Variants in PRELID2 observed in about 807,000 individuals in gnomAD.
PRELID2 encodes the protein PRELI domain containing 2.
A neutral mutation model predicts 28.4 loss-of-function variants in PRELID2; 25 were observed. The observed-to-expected ratio is 0.88, with a 90% confidence interval of 0.64 to 1.23. The LOEUF is 1.23. Ranked by LOEUF, PRELID2 falls within the 50% of genes most tolerant of loss-of-function variation. The pLI, the probability that PRELID2 is intolerant of heterozygous loss-of-function variation, is 0.00. For synonymous variants in PRELID2, 76 were observed against 71.6 expected (o/e 1.06, Z -0.31); for missense variants, 201 against 214.4 (o/e 0.94, Z 0.39).
the PRELID2 span, among the ~76,000 whole-genome samples, chr5:145,274,526 G>A: frequency 1.3e-5 from 2 of 152,166 alleles, no homozygotes; most frequent in Non-Finnish European, 2.9e-5. Context: ...AGATACTTGG[G>A]ATAGGCACAG....
chr5:145,390,718 C>T, the PRELID2 span, among the ~76,000 whole-genome samples: 2 of 152,168 alleles, frequency 1.3e-5, no homozygotes, highest in African/African-American at 2.4e-5. Context: ...AGTCTTAGTT[C>T]ATTCCAGCAT....
At chr5:145,439,897 CA>C in the PRELID2 span, among the ~76,000 whole-genome samples, 1 of 152,038 alleles carries the variant, frequency 6.6e-6, no homozygotes, top group Non-Finnish European at 1.5e-5. Flanking sequence ...AAAACAAACA[CA>C]ACAAAAAACT....
chr5:145,735,921 C>T (rs145615183), intron 1 of PRELID2, among the ~76,000 whole-genome samples: 157 of 152,310 alleles, frequency 1.0e-3, no homozygotes, highest in Admixed American at 2.2e-3. Context: ...TCTTACTCGG[C>T]GCTCTCTCTG....
At chr5:145,754,002 A>ACC (rs1226286265), downstream of PRELID2, among the ~76,000 whole-genome samples, 1 of 151,894 alleles carries the variant, frequency 6.6e-6, no homozygotes, top group Non-Finnish European at 1.5e-5. Context: ...TCAGCATGCT[A>ACC]CCCTCCTGCC....
At chr5:145,459,714 C>T in the PRELID2 span, among the ~76,000 whole-genome samples, 1 of 151,910 alleles carries the variant, frequency 6.6e-6, no homozygotes, top group South Asian at 2.1e-4. Flanking sequence ...ATAATCATGT[C>T]CCCCCAAAAA....
At chr5:145,736,277 T>C (rs1561564110) in intron 1 of PRELID2, among the ~76,000 whole-genome samples, 1 of 152,194 alleles carries the variant, frequency 6.6e-6, no homozygotes. Context: ...GTCTTTGTGC[T>C]CTTTAATGTT....
chr5:145,381,620 A>T, the PRELID2 span: 1 of 152,470 alleles, frequency 6.6e-6, no homozygotes, highest in Non-Finnish European at 1.5e-5. Context: ...CCAACAACGT[A>T]AAGAGCCTTG....
At chr5:145,302,044 T>C in the PRELID2 span, among the ~76,000 whole-genome samples, 1 of 152,028 alleles carries the variant, frequency 6.6e-6, no homozygotes, top group East Asian at 1.9e-4. Flanking sequence ...TCATTAGTAT[T>C]ACATTGATTC....
At chr5:145,339,314 C>A in the PRELID2 span, among the ~76,000 whole-genome samples, 1 of 152,184 alleles carries the variant, frequency 6.6e-6, no homozygotes, top group African/African-American at 2.4e-5. Flanking sequence ...GCTTGCTCAG[C>A]CAGGATTGGC....
chr5:145,445,199 CA>C, the PRELID2 span, among the ~76,000 whole-genome samples: 1 of 151,998 alleles, frequency 6.6e-6, no homozygotes, highest in African/African-American at 2.4e-5. Flanking sequence ...ACTAATGGAA[CA>C]AAATAGAGAA....
chr5:145,835,240 C>T lies in PRELID2; in HGVS notation c.12G>A (p.Ser4=), dbSNP rs1755865171. The T allele has an allele frequency of 1.9e-6, 3 of 1,548,086 alleles. No individual in the cohort carries two copies. The highest frequency in any genetic ancestry group is 1.7e-6 in the Non-Finnish European group (2 of 1,144,868). The change falls in exon 1 of 7, where the codon TCG becomes TCA. Residue 4 remains serine, a synonymous_variant. Transcript: ENST00000683046. MGV[S]VDVHQVYKYP... is the part of the protein sequence containing the mutation. Reference sequence around the variant, plus strand: ...ACTTGTACACCTGGTGCACATCCACCGAGACCCCCATCCCCGCGCGCCGCG... The same window carrying T: ...ACTTGTACACCTGGTGCACATCCACTGAGACCCCCATCCCCGCGCGCCGCG...
intron 1 of PRELID2, among the ~76,000 whole-genome samples, chr5:145,718,672 C>T (rs1050329571): frequency 4.6e-5 from 7 of 151,790 alleles, no homozygotes; most frequent in African/African-American, 1.7e-4. Context: ...TAAAAATTAA[C>T]AAATAGACCA....
chr5:145,459,772 T>C, the PRELID2 span, among the ~76,000 whole-genome samples: 7 of 152,012 alleles, frequency 4.6e-5, no homozygotes, highest in African/African-American at 1.7e-4. Context: ...TATAGTTTCC[T>C]AAATAGAATT....
At chr5:145,663,603 T>C (rs1347160) in intron 1 of PRELID2, among the ~76,000 whole-genome samples, 31,215 of 151,980 alleles carry the variant, frequency 0.21, 5,841 homozygotes, top group African/African-American at 0.49. Flanking sequence ...ATTTATACAC[T>C]CCCTAAAATA....
chr5:145,668,399 G>A (rs1754639010), intron 1 of PRELID2, among the ~76,000 whole-genome samples: 1 of 151,424 alleles, frequency 6.6e-6, no homozygotes, highest in African/African-American at 2.4e-5. Flanking sequence ...GCAGTCTAGG[G>A]GTACATTTGC....
intron 1 of PRELID2, among the ~76,000 whole-genome samples, chr5:145,604,664 A>C (rs1753469683): frequency 1.3e-5 from 2 of 151,262 alleles, no homozygotes; most frequent in African/African-American, 4.8e-5. Flanking sequence ...TACTTTTCAC[A>C]ATGGCTAAAC....
At chr5:145,428,844 C>T in the PRELID2 span, among the ~76,000 whole-genome samples, 218 of 152,148 alleles carry the variant, frequency 1.4e-3, no homozygotes, top group African/African-American at 5.3e-3. Context: ...AAGAGCATTC[C>T]AGGCAGAGGA....
At chr5:145,729,669 C>G (rs1219285021) in intron 1 of PRELID2, among the ~76,000 whole-genome samples, 4 of 152,224 alleles carry the variant, frequency 2.6e-5, no homozygotes, top group Admixed American at 6.5e-5. Context: ...TGTCCGTTGA[C>G]GATGCGTCCT....
At chr5:145,581,099 C>T (rs887967803) in intron 1 of PRELID2, among the ~76,000 whole-genome samples, 1 of 151,906 alleles carries the variant, frequency 6.6e-6, no homozygotes, top group Non-Finnish European at 1.5e-5. Context: ...CTCTGTTGGC[C>T]TTAAAATAGC....
Sources: allele counts gnomAD v4.1 joint callset (sites outside exome capture counted in the v4.1 genomes callset), GRCh38; gene constraint gnomAD v4.1.1; transcripts MANE v1.5; gene names NCBI Gene and HGNC (gene_info 2026-07-23, HGNC 2026-07-21).